DCLK1: variants seen among roughly 807,000 people sequenced by gnomAD.
The protein encoded by DCLK1 is serine/threonine-protein kinase DCLK1.
A neutral mutation model predicts 86.2 loss-of-function variants in DCLK1; 16 were observed. The observed-to-expected ratio is 0.19, with a 90% CI of 0.13 to 0.28. The LOEUF (loss-of-function observed/expected upper bound fraction) is 0.28, where lower values mean the gene tolerates loss of function less well. DCLK1 is among the 10% of genes least tolerant of loss of function. The pLI is 1.00. For synonymous variants in DCLK1, 369 were observed against 370.5 expected (o/e 1.00, Z 0.05); for missense variants, 590 against 940.2 (o/e 0.63, Z 4.87).
At chr13:36,121,148 G>A (rs1885973960) in intron 2 of DCLK1, among the ~76,000 whole-genome samples, 1 of 152,194 alleles carries the variant, frequency 6.6e-6, no homozygotes. Flanking sequence ...ATTAATGATG[G>A]TAACTTTGTA....
intron 3 of DCLK1, among the ~76,000 whole-genome samples, chr13:36,041,112 T>C (rs1050040859): frequency 1.3e-5 from 2 of 152,150 alleles, no homozygotes; most frequent in African/African-American, 2.4e-5. Context: ...TGTTCATTGC[T>C]ACTAGGCCCT....
intron 15 of DCLK1, among the ~76,000 whole-genome samples, chr13:35,794,653 TG>T (rs2086770908): frequency 6.6e-6 from 1 of 152,230 alleles, no homozygotes; most frequent in South Asian, 2.1e-4. Context: ...AAGACAGGCA[TG>T]GGCCCTGCTC....
intron 4 of DCLK1, among the ~76,000 whole-genome samples, chr13:35,907,063 C>A (rs1161004158): frequency 6.6e-6 from 1 of 152,214 alleles, no homozygotes; most frequent in Non-Finnish European, 1.5e-5. Context: ...TTTCCTACCA[C>A]CATCACTGAC....
At chr13:35,998,462 G>A (rs931815183) in intron 3 of DCLK1, among the ~76,000 whole-genome samples, 1 of 151,872 alleles carries the variant, frequency 6.6e-6, no homozygotes, top group Non-Finnish European at 1.5e-5. Context: ...CTGCCTCTTC[G>A]GGTCCCTGTT....
At chr13:35,954,202 C>G (rs552166600) in intron 3 of DCLK1, among the ~76,000 whole-genome samples, 2 of 151,786 alleles carry the variant, frequency 1.3e-5, no homozygotes, top group South Asian at 4.2e-4. Context: ...AAAAGGAATG[C>G]TTACACTGCT....
chr13:35,970,530 G>A (rs1282974731), intron 3 of DCLK1, among the ~76,000 whole-genome samples: 1 of 152,204 alleles, frequency 6.6e-6, no homozygotes, highest in Non-Finnish European at 1.5e-5. Flanking sequence ...TCATGGGTGT[G>A]TTTAATGCAT....
At chr13:35,776,901 T>C (rs1360256501) in intron 16 of DCLK1, among the ~76,000 whole-genome samples, 2 of 152,196 alleles carry the variant, frequency 1.3e-5, no homozygotes, top group Admixed American at 1.3e-4. Flanking sequence ...ACAAATACTG[T>C]AATTCAGTTT....
intron 3 of DCLK1, among the ~76,000 whole-genome samples, chr13:36,012,587 C>T (rs1422362742): frequency 7.0e-6 from 1 of 143,218 alleles, no homozygotes; most frequent in Non-Finnish European, 1.5e-5. Context: ...GGGTTTCTGC[C>T]GAGAGATCCG....
At chr13:35,918,950 G>C (rs2153126462) in intron 4 of DCLK1, among the ~76,000 whole-genome samples, 1 of 121,368 alleles carries the variant, frequency 8.2e-6, no homozygotes, top group East Asian at 2.5e-4. Flanking sequence ...GCCCAGGCTG[G>C]AGTGCAGTGG....
chr13:36,078,153 A>G (rs1055196094), intron 3 of DCLK1, among the ~76,000 whole-genome samples: 1 of 152,152 alleles, frequency 6.6e-6, no homozygotes, highest in Non-Finnish European at 1.5e-5. Context: ...CAGAGCTTCC[A>G]CTCTACGCCA....
At chr13:35,914,363 ATATATG>A (rs1413211395) in intron 4 of DCLK1, among the ~76,000 whole-genome samples, 5,326 of 25,512 alleles carry the variant, frequency 0.21, 307 homozygotes, top group African/African-American at 0.33. Context: ...ATATATATAT[ATATATG>A]TATATATATA....
At chr13:36,068,773 T>C (rs1390856637) in intron 3 of DCLK1, among the ~76,000 whole-genome samples, 3 of 152,160 alleles carry the variant, frequency 2.0e-5, no homozygotes, top group Non-Finnish European at 4.4e-5. Flanking sequence ...CCATAATTCA[T>C]CTCACTAGTT....
chr13:36,027,809 T>C (rs1279362811), intron 3 of DCLK1, among the ~76,000 whole-genome samples: 4 of 152,328 alleles, frequency 2.6e-5, no homozygotes, highest in Middle Eastern at 3.4e-3. Flanking sequence ...CTCAGCTCAC[T>C]GTAACCTCCG....
At position 35,805,752 on chromosome 13, in the gene DCLK1, C is replaced by T. The variant is rs1396292591; in HGVS notation, c.1891G>A (p.Asp631Asn). 6 of 1,613,512 alleles carry T rather than the reference C, an allele frequency of 3.7e-6. No homozygotes were observed. Among genetic ancestry groups the T allele is most frequent in the South Asian group, 1.1e-5 (1 of 91,032 alleles). Residue 631 changes from aspartate to asparagine, a missense_variant, in exon 15 of 17, where the codon GAT (aspartate) becomes AAT (asparagine). By Grantham distance (23) the Asp-to-Asn change is conservative. Transcript: ENST00000360631. ...ACAGCAGAAAATCGCTGATCTACATCGACCAACAGCATCATGGTAATGAGC... is the reference window on the plus strand; with the variant it reads ...ACAGCAGAAAATCGCTGATCTACATTGACCAACAGCATCATGGTAATGAGC... ...KELITMMLLVDVDQRFSAVQV... is the reference protein window; with the variant it reads ...KELITMMLLVNVDQRFSAVQV...
At chr13:36,111,376 A>G (rs1346934328) in intron 3 of DCLK1, among the ~76,000 whole-genome samples, 1 of 152,228 alleles carries the variant, frequency 6.6e-6, no homozygotes. Flanking sequence ...AGCTATCCAG[A>G]TGGAAATATG....
At chr13:35,847,049 A>G in intron 6 of DCLK1, 1 of 985,174 alleles carries the variant, frequency 1.0e-6, no homozygotes, top group Non-Finnish European at 1.2e-6. Context: ...GAGTATAGTG[A>G]TTGGCAACCA....
At chr13:35,862,920 A>T (rs557479195) in intron 5 of DCLK1, among the ~76,000 whole-genome samples, 1 of 152,330 alleles carries the variant, frequency 6.6e-6, no homozygotes, top group East Asian at 1.9e-4. Flanking sequence ...CAAGTACCAC[A>T]AAACAATGTT....
At chr13:36,014,046 A>G (rs543479450) in intron 3 of DCLK1, among the ~76,000 whole-genome samples, 1 of 152,290 alleles carries the variant, frequency 6.6e-6, no homozygotes, top group Non-Finnish European at 1.5e-5. Flanking sequence ...AGGTGAGGCA[A>G]TGCCTCGCCC....
intron 3 of DCLK1, among the ~76,000 whole-genome samples, chr13:36,001,933 C>T (rs554964400): frequency 2.6e-4 from 39 of 152,230 alleles, no homozygotes; most frequent in East Asian, 7.7e-4. Flanking sequence ...GAAGCTTGGA[C>T]GCACTGTTGC....
Sources: allele counts gnomAD v4.1 joint callset (sites outside exome capture counted in the v4.1 genomes callset), GRCh38; gene constraint gnomAD v4.1.1; transcripts MANE v1.5; gene names NCBI Gene and HGNC (gene_info 2026-07-23, HGNC 2026-07-21).